Variants in LYPD6B observed in about 807,000 individuals in gnomAD.
The protein encoded by LYPD6B is LY6/PLAUR domain containing 6B, also known as ly6/PLAUR domain-containing protein 6B.
LYPD6B carries 17 observed loss-of-function variants against 22.8 expected under a neutral mutation model. The observed-to-expected ratio is 0.75, with a 90% CI of 0.51 to 1.12. The LOEUF (loss-of-function observed/expected upper bound fraction) is 1.12. LYPD6B is among the 50% of genes most tolerant of loss of function. The pLI, the probability that LYPD6B is intolerant of heterozygous loss-of-function variation, is 0.00. For missense variants in LYPD6B, 221 were observed against 258.3 expected, an observed-to-expected ratio of 0.86 and a Z score of 0.99; for synonymous variants, 106 against 91.6, an observed-to-expected ratio of 1.16 and a Z score of -0.90.
intron 3 of LYPD6B, among the ~76,000 whole-genome samples, chr2:149,168,319 G>T (rs2105916645): frequency 6.6e-6 from 1 of 151,392 alleles, no homozygotes; most frequent in Admixed American, 6.6e-5. Flanking sequence ...TTACACATTT[G>T]CACATGTGCC....
chr2:149,159,458 C>T (rs184330130), intron 2 of LYPD6B, among the ~76,000 whole-genome samples: 45 of 152,104 alleles, frequency 3.0e-4, no homozygotes, highest in African/African-American at 1.1e-3. Flanking sequence ...TTCTTACAGC[C>T]TCTTTTTATG....
intron 1 of LYPD6B, among the ~76,000 whole-genome samples, chr2:149,124,086 A>G (rs1417971506): frequency 6.6e-6 from 1 of 152,198 alleles, no homozygotes; most frequent in African/African-American, 2.4e-5. Context: ...TACTGTAACC[A>G]AACAGCATAC....
intron 1 of LYPD6B, among the ~76,000 whole-genome samples, chr2:149,085,694 T>C (rs1158473748): frequency 1.3e-5 from 2 of 152,198 alleles, no homozygotes; most frequent in African/African-American, 4.8e-5. Context: ...AGTTATAACA[T>C]TGTAGAATTT....
chr2:149,193,469 A>G (rs527588060), intron 3 of LYPD6B, among the ~76,000 whole-genome samples: 261 of 152,232 alleles, frequency 1.7e-3, no homozygotes, highest in African/African-American at 5.9e-3. Flanking sequence ...TTTTTTAAAC[A>G]CTTTTTTTCT....
In LYPD6B at chr2:149,176,172, G is replaced by T. The variant is rs148812025; in HGVS notation, c.77+15337G>T. 5.4e-3 allele frequency among the ~76,000 whole-genome samples: 827 copies of T among 152,280 alleles called. 8 individuals carry two copies. Among genetic ancestry groups the T allele is most frequent in the African/African-American group, 0.019 (771 of 41,574 alleles). On this transcript the variant is annotated intron_variant, in intron 3 of 6. Coordinates refer to ENST00000409642, the MANE Select transcript of LYPD6B (RefSeq NM_177964.5). ...CACTGTGCTATGATGTTATGACTAT[G>T]AAGTCAATAAGGGATAGGAATTTTT...
intron 1 of LYPD6B, among the ~76,000 whole-genome samples, chr2:149,081,307 G>C (rs1170925431): frequency 2.0e-5 from 3 of 152,096 alleles, no homozygotes; most frequent in Non-Finnish European, 4.4e-5. Context: ...CAATTGCCTT[G>C]AGCTCTTCAC....
At chr2:149,152,693 T>A (rs770290803) in intron 2 of LYPD6B, among the ~76,000 whole-genome samples, 2 of 152,240 alleles carry the variant, frequency 1.3e-5, no homozygotes, top group Non-Finnish European at 2.9e-5. Flanking sequence ...AATTGTCAAC[T>A]GTCTTGGCAC....
intron 1 of LYPD6B, among the ~76,000 whole-genome samples, chr2:149,055,252 C>T (rs1480472702): frequency 6.6e-6 from 1 of 152,220 alleles, no homozygotes; most frequent in Non-Finnish European, 1.5e-5. Context: ...TTGATTTGTG[C>T]ATCTGTCCTT....
intron 1 of LYPD6B, among the ~76,000 whole-genome samples, chr2:149,082,098 A>C (rs958513647): frequency 1.3e-5 from 2 of 152,120 alleles, no homozygotes; most frequent in African/African-American, 4.8e-5. Flanking sequence ...AACTTCCTCG[A>C]TGTTTGCAGG....
At chr2:149,203,772 C>A (rs1693323277) in intron 3 of LYPD6B, among the ~76,000 whole-genome samples, 2 of 152,122 alleles carry the variant, frequency 1.3e-5, no homozygotes, top group African/African-American at 4.8e-5. Context: ...CTTAGCAGCT[C>A]AGTTCTATCA....
intron 3 of LYPD6B, among the ~76,000 whole-genome samples, chr2:149,161,694 A>G (rs1690074863): frequency 6.6e-6 from 1 of 152,152 alleles, no homozygotes; most frequent in African/African-American, 2.4e-5. Context: ...TTTGCATCTG[A>G]TGGCTGGAAG....
At chr2:149,063,638 G>C (rs1684192681) in intron 1 of LYPD6B, among the ~76,000 whole-genome samples, 1 of 152,210 alleles carries the variant, frequency 6.6e-6, no homozygotes, top group African/African-American at 2.4e-5. Context: ...TCAAAATAAA[G>C]TAGTGAGAAA....
chr2:149,116,046 A>G (rs946138991), intron 1 of LYPD6B, among the ~76,000 whole-genome samples: 7 of 152,214 alleles, frequency 4.6e-5, no homozygotes, highest in East Asian at 1.9e-4. Context: ...ATTATGTCAC[A>G]AAGCCTATGT....
chr2:149,149,373 A>T (rs1265044046), intron 2 of LYPD6B, among the ~76,000 whole-genome samples: 1 of 152,010 alleles, frequency 6.6e-6, no homozygotes, highest in African/African-American at 2.4e-5. Context: ...TCTTTCATTC[A>T]TAGTTTATTG....
chr2:149,169,394 G>A (rs1300881303), intron 3 of LYPD6B, among the ~76,000 whole-genome samples: 1 of 152,206 alleles, frequency 6.6e-6, no homozygotes, highest in African/African-American at 2.4e-5. Flanking sequence ...TACTCTGGTA[G>A]TCTGATTGGA....
At chr2:149,190,258 ATG>A (rs141966381) in intron 3 of LYPD6B, among the ~76,000 whole-genome samples, 18 of 151,900 alleles carry the variant, frequency 1.2e-4, no homozygotes, top group African/African-American at 3.4e-4. Context: ...ACAATAGGTA[ATG>A]TGTGTGTGTG....
Position 149,084,682 on chromosome 2 carries a change from C to T in LYPD6B, c.-67+45881C>T, listed in dbSNP as rs1051912287. 3.9e-5 allele frequency among the ~76,000 whole-genome samples: 6 copies of T among 152,206 alleles called. No homozygotes were observed. In the South Asian group the frequency reaches 8.3e-4, roughly 21 times the overall value. On this transcript the variant is annotated intron_variant, in intron 1 of 6. Coordinates refer to ENST00000409642, the MANE Select transcript of LYPD6B (RefSeq NM_177964.5). ...AGGTAGGAAATATATTTTTAAAAAA[C>T]ATGAGTTCATTCATATTTTAAAATC... is the stretch of plus-strand genomic sequence containing the variant.
intron 1 of LYPD6B, among the ~76,000 whole-genome samples, chr2:149,052,398 G>A (rs1683603396): frequency 3.9e-5 from 6 of 152,140 alleles, no homozygotes; most frequent in Admixed American, 3.9e-4. Flanking sequence ...AGGACTTCTG[G>A]CTATGGCCAA....
At chr2:149,122,311 A>G (rs778952402) in intron 1 of LYPD6B, among the ~76,000 whole-genome samples, 57 of 151,942 alleles carry the variant, frequency 3.8e-4, no homozygotes, top group Non-Finnish European at 7.1e-4. Flanking sequence ...ATTCTTTATA[A>G]TAGCTGTTTC....
Sources: gnomAD v4.1 joint callset for allele counts (sites outside exome capture counted in the v4.1 genomes callset) on GRCh38, gnomAD v4.1.1 for gene constraint, MANE v1.5 for transcripts, NCBI Gene and HGNC (gene_info 2026-07-23, HGNC 2026-07-21) for gene names.